The following DGKH variants were observed in gnomAD, a reference collection of about 807,000 sequenced individuals.
The protein encoded by DGKH is diacylglycerol kinase eta.
Under a neutral mutation model 159.3 loss-of-function variants are expected in DGKH, and 90 were observed. That is an observed-to-expected ratio of 0.57 (90% CI 0.48 to 0.67). DGKH has a LOEUF of 0.67. Among genes scored for constraint, DGKH ranks in the 30% least tolerant of loss-of-function variants. DGKH has a pLI of 0.00. For synonymous variants in DGKH, 536 were observed against 553.8 expected, an observed-to-expected ratio of 0.97 and a Z score of 0.45; for missense variants, 1,181 against 1,506.1, an observed-to-expected ratio of 0.78 and a Z score of 3.57.
intron 1 of DGKH, among the ~76,000 whole-genome samples, chr13:42,118,475 C>T (rs1955004220): frequency 6.6e-6 from 1 of 152,142 alleles, no homozygotes; most frequent in African/African-American, 2.4e-5. Context: ...GCTGTCTTTG[C>T]CCTCTTAAAG....
intron 1 of DGKH, among the ~76,000 whole-genome samples, chr13:42,051,381 G>C (rs1272175030): frequency 2.0e-5 from 3 of 152,150 alleles, no homozygotes; most frequent in African/African-American, 7.2e-5. Context: ...CCTGCAACTG[G>C]ACTGTTCATG....
In DGKH at chr13:42,219,457, A is replaced by G. The variant is rs1001699043; in HGVS notation, c.3333+108A>G. 2.1e-6 allele frequency: 3 copies of G among 1,454,274 alleles called. No homozygotes were observed. In the African/African-American group the frequency reaches 4.2e-5, roughly 21 times the overall value. 90.1% of individuals were successfully genotyped at this position (1,454,274 alleles called of 1,614,324 possible). On this transcript the variant is annotated intron_variant, in intron 27 of 29. Coordinates refer to ENST00000337343, the MANE Select transcript of DGKH (RefSeq NM_178009.5). ...TAGGGAAAAATGAATTTTGAATACT[A>G]CTTTCAAATGTTCTGTTCTTGAACA...
At chr13:42,198,453 C>G in intron 17 of DGKH, 25 bp from the exon 18 acceptor site, 1 of 1,594,878 alleles carries the variant, frequency 6.3e-7, no homozygotes. Context: ...CATGCGATCC[C>G]ATATGTGTTT....
Position 42,155,817 on chromosome 13 carries a change from A to C in DGKH, c.622+18A>C, listed in dbSNP as rs770578656. On this transcript the variant is annotated intron_variant, in intron 5 of 29. Coordinates refer to ENST00000337343, the MANE Select transcript of DGKH (RefSeq NM_178009.5). ...CTGCGAAGGTACTGTAGCACCTAGC[A>C]TGTGTTTTCTCCCAACAGTAACCAT... 1.9e-6 allele frequency: 3 copies of C among 1,613,804 alleles called. No individual in the cohort carries two copies. Among genetic ancestry groups the C allele is most frequent in the Non-Finnish European group, 2.5e-6 (3 of 1,179,890 alleles).
At chr13:42,087,738 C>T (rs1431054997) in intron 1 of DGKH, among the ~76,000 whole-genome samples, 1 of 137,430 alleles carries the variant, frequency 7.3e-6, no homozygotes, top group Admixed American at 8.3e-5. Context: ...AAAGTTGATG[C>T]ACTGCTCATT....
intron 5 of DGKH, among the ~76,000 whole-genome samples, chr13:42,157,916 C>G (rs1956082968): frequency 6.6e-6 from 1 of 152,154 alleles, no homozygotes; most frequent in African/African-American, 2.4e-5. Context: ...TGCGCCATCA[C>G]ACCCGGCTAA....
intron 29 of DGKH, among the ~76,000 whole-genome samples, chr13:42,248,800 G>T (rs1045155858): frequency 6.6e-6 from 1 of 151,774 alleles, no homozygotes; most frequent in African/African-American, 2.4e-5. Context: ...ATACAGGTTT[G>T]TAGCCTAGAA....
intron 1 of DGKH, chr13:42,070,980 T>C (rs1370778964): frequency 7.6e-6 from 10 of 1,319,112 alleles, no homozygotes; most frequent in Non-Finnish European, 9.8e-6. Flanking sequence ...AATCATTGTC[T>C]ACAGCAGAAA....
rs200497933 is a variant in DGKH, at chr13:42,219,690, C to T, written c.3338C>T (p.Pro1113Leu). ...YILHPNEDEE[P>L]PMDCTKRNNR... is the part of the protein sequence containing the mutation. ...TTTCTTGCTCGATTTGAACAGGAACCTCCTATGGATTGCACCAAAAGGAAC... is the reference window on the plus strand; with the variant it reads ...TTTCTTGCTCGATTTGAACAGGAACTTCCTATGGATTGCACCAAAAGGAAC... The change falls in exon 28 of 30, where the codon CCT becomes CTT. Residue 1113 changes from proline to leucine, a missense_variant. Transcript: ENST00000337343. 1.9e-6 allele frequency: 3 copies of T among 1,612,564 alleles called. No homozygotes were observed. Among genetic ancestry groups the T allele is most frequent in the African/African-American group, 1.3e-5 (1 of 74,910 alleles).
At chr13:42,205,994 C>A (rs1419966986) in intron 20 of DGKH, 45 bp from the exon 21 acceptor site, 2 of 1,231,760 alleles carry the variant, frequency 1.6e-6, no homozygotes, top group African/African-American at 3.1e-5. Flanking sequence ...TGGTTCTGCT[C>A]TTTTTATCTA....
chr13:42,113,291 A>G (rs952392428), intron 1 of DGKH, among the ~76,000 whole-genome samples: 3 of 152,198 alleles, frequency 2.0e-5, no homozygotes, highest in Non-Finnish European at 2.9e-5. Context: ...GCAAATTATT[A>G]TATGTACAAT....
chr13:42,141,587 C>A (rs1396977023), intron 3 of DGKH, among the ~76,000 whole-genome samples: 1 of 152,214 alleles, frequency 6.6e-6, no homozygotes, highest in Non-Finnish European at 1.5e-5. Context: ...TTAATGATCT[C>A]CATTCTAACT....
intron 1 of DGKH, among the ~76,000 whole-genome samples, chr13:42,072,233 G>C (rs1883022656): frequency 6.6e-6 from 1 of 152,162 alleles, no homozygotes; most frequent in South Asian, 2.1e-4. Context: ...TAAGATCATG[G>C]ACTTTGTGTT....
At chr13:42,068,863 TAAACTC>T (rs1385330463) in intron 1 of DGKH, 1 of 759,652 alleles carries the variant, frequency 1.3e-6, no homozygotes, top group Non-Finnish European at 1.9e-6. Context: ...AAAAATGACT[TAAACTC>T]TAGTAATAAA....
chr13:42,168,362 AC>A, intron 9 of DGKH, 77 bp from the exon 10 acceptor site: 1 of 1,215,244 alleles, frequency 8.2e-7, no homozygotes, highest in Non-Finnish European at 1.2e-6. Flanking sequence ...GAATATGAAT[AC>A]TGATACAGAA....
chr13:42,137,900 T>C (rs531609263), intron 3 of DGKH: 2 of 155,444 alleles, frequency 1.3e-5, no homozygotes, highest in Admixed American at 6.5e-5. Flanking sequence ...TAGGAGAGGC[T>C]GTAGACAGGT....
chr13:42,223,914 C>T (rs943107711), intron 29 of DGKH, among the ~76,000 whole-genome samples: 10 of 152,094 alleles, frequency 6.6e-5, no homozygotes, highest in Non-Finnish European at 1.3e-4. Context: ...CTTACCCCTC[C>T]AAGTCTCCAT....
chr13:42,089,560 A>G (rs1031322801), intron 1 of DGKH, among the ~76,000 whole-genome samples: 3 of 152,166 alleles, frequency 2.0e-5, no homozygotes, highest in Non-Finnish European at 4.4e-5. Context: ...GCCTTCTCCA[A>G]GTGCTAGAGA....
intron 1 of DGKH, chr13:42,070,828 C>T (rs955353476): frequency 2.0e-5 from 28 of 1,367,688 alleles, no homozygotes; most frequent in Middle Eastern, 1.8e-4. Flanking sequence ...TGTTAATTGG[C>T]TCCCACTGGG....
Sources: allele counts gnomAD v4.1 joint callset (sites outside exome capture counted in the v4.1 genomes callset), GRCh38; gene constraint gnomAD v4.1.1; transcripts MANE v1.5; gene names NCBI Gene and HGNC (gene_info 2026-07-23, HGNC 2026-07-21).